Variants in ERO1B observed in about 807,000 individuals in gnomAD.
ERO1B encodes ERO1-like protein beta.
Under a neutral mutation model 75.3 loss-of-function variants are expected in ERO1B, and 49 were observed. The ratio of observed to expected loss-of-function variants is 0.65; its 90% CI spans 0.52 to 0.83. ERO1B has a LOEUF of 0.83. Among genes scored for constraint, ERO1B ranks in the 40% least tolerant of loss-of-function variants. The pLI is 0.00. For missense variants in ERO1B, 512 were observed against 560.1 expected, an observed-to-expected ratio of 0.91 and a Z score of 0.87; for synonymous variants, 191 against 192.9, an observed-to-expected ratio of 0.99 and a Z score of 0.08.
intron 12 of ERO1B, 111 bp downstream of exon 12, chr1:236,226,158 T>C: frequency 9.5e-7 from 1 of 1,052,886 alleles, no homozygotes. Flanking sequence ...TCCTTTTCTG[T>C]TCTACATCTC....
chr1:236,237,305 C>T (rs1227536032), intron 6 of ERO1B, among the ~76,000 whole-genome samples: 7 of 151,776 alleles, frequency 4.6e-5, no homozygotes, highest in East Asian at 3.9e-4. Context: ...TTAGTAAAGA[C>T]GGGGTTTCAC....
chr1:236,261,942 C>CAAA (rs35336841), intron 2 of ERO1B, among the ~76,000 whole-genome samples: 140 of 70,710 alleles, frequency 2.0e-3, no homozygotes, highest in East Asian at 0.011. Context: ...GGCTCTGTCT[C>CAAA]AAAAACAAAA....
intron 1 of ERO1B, among the ~76,000 whole-genome samples, chr1:236,279,442 G>A (rs1391750785): frequency 7.0e-6 from 1 of 143,348 alleles, no homozygotes; most frequent in African/African-American, 2.6e-5. Flanking sequence ...GGTGGAGGCT[G>A]CACTGAGCCA....
At chr1:236,277,941 CA>C (rs1312630681) in intron 1 of ERO1B, among the ~76,000 whole-genome samples, 1 of 152,120 alleles carries the variant, frequency 6.6e-6, no homozygotes, top group Non-Finnish European at 1.5e-5. Context: ...TATTTGAACA[CA>C]TTAAACATAG....
chr1:236,245,795 T>C (rs992762366), intron 5 of ERO1B, among the ~76,000 whole-genome samples: 1 of 151,014 alleles, frequency 6.6e-6, no homozygotes, highest in Non-Finnish European at 1.5e-5. Flanking sequence ...TTTCACCATG[T>C]TGGCCAGGTT....
chr1:236,266,551 C>A (rs1665444200), intron 2 of ERO1B, among the ~76,000 whole-genome samples: 1 of 151,874 alleles, frequency 6.6e-6, no homozygotes, highest in Admixed American at 6.6e-5. Flanking sequence ...TTGCAGTGAA[C>A]CAAGATCGTA....
intron 9 of ERO1B, among the ~76,000 whole-genome samples, chr1:236,230,885 A>G (rs182144054): frequency 1.1e-4 from 16 of 152,178 alleles, no homozygotes; most frequent in African/African-American, 3.4e-4. Context: ...GCTTGAGCCC[A>G]GGAGATCGGA....
chr1:236,222,456 A>G (rs111550910), intron 13 of ERO1B, among the ~76,000 whole-genome samples: 2,919 of 152,312 alleles, frequency 0.019, 87 homozygotes, highest in African/African-American at 0.066. Flanking sequence ...TGATACTTGT[A>G]TACTATAACA....
At chr1:236,235,559 C>A (rs1664519065) in intron 8 of ERO1B, among the ~76,000 whole-genome samples, 1 of 152,160 alleles carries the variant, frequency 6.6e-6, no homozygotes, top group Admixed American at 6.6e-5. Flanking sequence ...TTTACATAAA[C>A]TTCCTAGTTT....
intron 6 of ERO1B, among the ~76,000 whole-genome samples, chr1:236,240,084 T>G (rs1664661722): frequency 6.6e-6 from 1 of 151,510 alleles, no homozygotes; most frequent in South Asian, 2.1e-4. Context: ...TTTGTATTAT[T>G]AGTAGAGGCA....
chr1:236,235,864 T>A, intron 7 of ERO1B, 29 bp from the exon 8 acceptor site: 2 of 1,591,188 alleles, frequency 1.3e-6, no homozygotes, highest in South Asian at 1.1e-5. Flanking sequence ...TACCCAAACA[T>A]AGAATGTTTT....
At chr1:236,264,534 G>A (rs181207654) in intron 2 of ERO1B, among the ~76,000 whole-genome samples, 2 of 152,266 alleles carry the variant, frequency 1.3e-5, no homozygotes, top group East Asian at 3.9e-4. Context: ...TGGAGTAATA[G>A]TCACTGGAGA....
chr1:236,233,378 C>T (rs1429435753), intron 8 of ERO1B, among the ~76,000 whole-genome samples: 1 of 150,364 alleles, frequency 6.7e-6, no homozygotes, highest in Non-Finnish European at 1.5e-5. Context: ...TTGGGAGGAT[C>T]ACCAGGTCAG....
At chr1:236,251,182 A>G (rs1384784808) in intron 4 of ERO1B, among the ~76,000 whole-genome samples, 1 of 150,404 alleles carries the variant, frequency 6.6e-6, no homozygotes, top group Non-Finnish European at 1.5e-5. Context: ...ACCTAAAGAA[A>G]TAGAAAAATA....
At chr1:236,246,470 C>A (rs1664890247) in intron 5 of ERO1B, among the ~76,000 whole-genome samples, 1 of 152,178 alleles carries the variant, frequency 6.6e-6, no homozygotes, top group African/African-American at 2.4e-5. Context: ...CCATGTCCAA[C>A]TGTATCCACC....
intron 5 of ERO1B, among the ~76,000 whole-genome samples, chr1:236,245,243 T>C (rs1664814161): frequency 7.0e-6 from 1 of 142,788 alleles, no homozygotes; most frequent in African/African-American, 2.6e-5. Flanking sequence ...GATCTGCTTG[T>C]CTTGGCCTCC....
At chr1:236,222,032 C>T in intron 13 of ERO1B, 22 bp from the exon 14 acceptor site, 1 of 1,582,858 alleles carries the variant, frequency 6.3e-7, no homozygotes, top group Non-Finnish European at 8.7e-7. Context: ...AAAATATTTT[C>T]AGTCTAATTA....
chr1:236,272,701 T>A (rs1375180235), intron 1 of ERO1B, among the ~76,000 whole-genome samples: 1 of 152,248 alleles, frequency 6.6e-6, no homozygotes, highest in Non-Finnish European at 1.5e-5. Flanking sequence ...TAATTACATC[T>A]ACCTCCCTCT....
chr1:236,219,164 CTTTAACTAT>C lies in ERO1B; in HGVS notation c.1344-597_1344-589del, dbSNP rs1444710215. Among the ~76,000 whole-genome samples, 8 of 152,290 alleles carry C rather than the reference CTTTAACTAT, an allele frequency of 5.3e-5. No homozygotes were observed. The South Asian group carries it at 1.7e-3, about 32-fold the overall frequency. Reference sequence around the variant, plus strand: ...AATTCAGGGGTGATAGAAGAAAAATCTTTAACTATTTGATAGAAGAAAAATTATTCCTTA... The same window carrying C: ...AATTCAGGGGTGATAGAAGAAAAATCTTGATAGAAGAAAAATTATTCCTTA... On this transcript the variant is annotated intron_variant, in intron 15 of 15. Coordinates refer to ENST00000354619, the MANE Select transcript of ERO1B (RefSeq NM_019891.4).
Sources: gnomAD v4.1 joint callset for allele counts (sites outside exome capture counted in the v4.1 genomes callset) on GRCh38, gnomAD v4.1.1 for gene constraint, MANE v1.5 for transcripts, NCBI Gene and HGNC (gene_info 2026-07-23, HGNC 2026-07-21) for gene names.